CORO1A: variants seen among roughly 807,000 people sequenced by gnomAD.
CORO1A encodes coronin 1A.
CORO1A carries 17 observed loss-of-function variants against 44.1 expected under a neutral mutation model. The observed-to-expected ratio is 0.39, with a 90% CI of 0.26 to 0.58. The LOEUF (loss-of-function observed/expected upper bound fraction) is 0.58. CORO1A is among the 20% of genes least tolerant of loss of function. The pLI is 0.62. For synonymous variants in CORO1A, 271 were observed against 244.2 expected, an observed-to-expected ratio of 1.11 and a Z score of -1.02; for missense variants, 415 against 606.5, an observed-to-expected ratio of 0.68 and a Z score of 3.32.
Position 30,188,096 on chromosome 16 carries a change from C to A in CORO1A, c.1007+9C>A, listed in dbSNP as rs376748014. ...AAGTGTGAGATCGCCAGGTGACTGA[C>A]CCCCGGCCCTGACCGCAGCATGCTC... On this transcript the variant is annotated intron_variant, in intron 8 of 10. Transcript: ENST00000219150. 1.7e-5 allele frequency: 28 copies of A among 1,613,488 alleles called. No homozygotes were observed. Among genetic ancestry groups the A allele is most frequent in the Non-Finnish European group, 2.1e-5 (25 of 1,179,988 alleles).
rs1194635759 is a variant in CORO1A, at chr16:30,186,586, C to T, written c.199-12C>T. 7 of 1,612,186 alleles carry T rather than the reference C, an allele frequency of 4.3e-6. No individual in the cohort carries two copies. Among genetic ancestry groups the T allele is most frequent in the Non-Finnish European group, 5.9e-6 (7 of 1,180,012 alleles). On this transcript the variant is annotated splice_polypyrimidine_tract_variant and intron_variant, in intron 2 of 10. Transcript: ENST00000219150. ...AGGCAAAAGCACCTCCAAGGCCCTG[C>T]TGTGCCTTTAGACTGGACGTGTGGA... is the stretch of plus-strand genomic sequence containing the variant.
intron 2 of CORO1A, 86 bp downstream of exon 2, chr16:30,185,493 C>A: frequency 8.4e-7 from 1 of 1,193,418 alleles, no homozygotes; most frequent in South Asian, 1.3e-5. Flanking sequence ...GGTCACCAGG[C>A]CTTCCAGGGC....
chr16:30,185,509 T>C, intron 2 of CORO1A, 102 bp downstream of exon 2: 3 of 1,044,976 alleles, frequency 2.9e-6, no homozygotes, highest in Non-Finnish European at 4.2e-6. Context: ...AGGGCCTGTG[T>C]TGCCATCTGG....
rs2151061771 is a variant in CORO1A at position 30,185,332 on chromosome 16, T to C, written c.123T>C (p.Ala41=). ...CCACCTGGGACAGTGGCTTCTGTGCTGTCAACCCTAAGTTTGTGGCCCTGA... is the reference window on the plus strand; with the variant it reads ...CCACCTGGGACAGTGGCTTCTGTGCCGTCAACCCTAAGTTTGTGGCCCTGA... ...SQTTWDSGFC[A]VNPKFVALIC... is the part of the protein sequence containing the mutation. Residue 41 remains alanine, a synonymous_variant, in exon 2 of 11, where the codon GCT becomes GCC. Transcript: ENST00000219150. 1.2e-6 allele frequency: 2 copies of C among 1,614,190 alleles called. No homozygotes were observed. Among genetic ancestry groups the C allele is most frequent in the East Asian group, 2.2e-5 (1 of 44,874 alleles).
rs2073339724 is a variant in CORO1A at position 30,186,796 on chromosome 16, C to CA, written c.322-19dup. ...TCTGACATTTGGAGTCCTGAAGACTCACTGGCCCCTCCTCTGCAGGTGTGG... is the reference window on the plus strand; with the variant it reads ...TCTGACATTTGGAGTCCTGAAGACTCAACTGGCCCCTCCTCTGCAGGTGTGG... On this transcript the variant is annotated intron_variant, in intron 3 of 10. Transcript: ENST00000219150. The CA allele has an allele frequency of 6.2e-7, 1 of 1,609,592 alleles. No homozygotes were observed. The highest frequency in any genetic ancestry group is 1.3e-5 in the African/African-American group (1 of 75,032).
At chr16:30,185,643 A>G in intron 2 of CORO1A, 1 of 583,874 alleles carries the variant, frequency 1.7e-6, no homozygotes, top group Non-Finnish European at 3.1e-6. Flanking sequence ...AGGACTACAG[A>G]CAGTCCTGCA....
chr16:30,188,907 G>A lies in CORO1A; in HGVS notation c.1329G>A (p.Thr443=), dbSNP rs1384770766. The part of the protein sequence containing the change: ...LEEEMRKLQA[T]VQELQKRLDR... The stretch of plus-strand genomic sequence containing the variant: ...AGGAGATGCGGAAGCTCCAGGCCAC[G>A]GTGCAGGAGCTCCAGAAGCGCTTGG... Residue 443 remains threonine, a synonymous_variant, in exon 11 of 11, where the codon ACG becomes ACA. Transcript: ENST00000219150. 3.0e-6 allele frequency: 1 copy of A among 328,588 alleles called. No individual in the cohort carries two copies. The highest frequency in any genetic ancestry group is 5.2e-6 in the Non-Finnish European group (1 of 191,738). 20.4% of individuals were successfully genotyped at this position (328,588 alleles called of 1,614,324 possible). A position where few individuals can be genotyped will look rare whatever the true frequency, so the allele number is the denominator to read the frequency against.
At chr16:30,188,138 T>C (rs1380480524) in intron 8 of CORO1A, 51 bp downstream of exon 8, 2 of 1,613,304 alleles carry the variant, frequency 1.2e-6, no homozygotes, top group East Asian at 2.2e-5. Flanking sequence ...CAGTGGGCAG[T>C]CCCAAGCCCA....
rs115153614 is a variant in CORO1A at position 30,186,222 on chromosome 16, C to T, written c.199-376C>T. The T allele has an allele frequency of 5.5e-3, 1,891 of 342,546 alleles. 32 individuals are homozygous for T. Among genetic ancestry groups the T allele is most frequent in the African/African-American group, 0.037 (1,751 of 46,996 alleles). 21.2% of individuals were successfully genotyped at this position (342,546 alleles called of 1,614,324 possible). On this transcript the variant is annotated intron_variant, in intron 2 of 10. Coordinates refer to ENST00000219150, the MANE Select transcript of CORO1A (RefSeq NM_007074.4). ...CACTCGCTCTCTGGGGAGCTGCCTC[C>T]ACCCCCCCAGCCCCCATACACCTGT...
In CORO1A at chr16:30,184,950, T is replaced by C; in HGVS notation, c.-1-259T>C. The C allele has an allele frequency of 3.4e-6, 2 of 581,116 alleles. No individual in the cohort carries two copies. Among genetic ancestry groups the C allele is most frequent in the Non-Finnish European group, 6.2e-6 (2 of 324,808 alleles). The allele number at this position is 581,116 out of a possible 1,614,324, so 36.0% of individuals were successfully genotyped here. ...TGGGGCAACACCACGCCAGGCTCTGTTGCAGAGGCTGAGGGTACAGATTGA... is the reference window on the plus strand; with the variant it reads ...TGGGGCAACACCACGCCAGGCTCTGCTGCAGAGGCTGAGGGTACAGATTGA... On this transcript the variant is annotated intron_variant, in intron 1 of 10. Coordinates refer to ENST00000219150, the MANE Select transcript of CORO1A (RefSeq NM_007074.4). This position sits in a 1 kb window ranked among gnomAD's most constrained non-coding sequence, Gnocchi z 4.3.
chr16:30,186,590 G>A lies in CORO1A; in HGVS notation c.199-8G>A. 1.2e-6 allele frequency: 2 copies of A among 1,612,266 alleles called. No individual in the cohort carries two copies. Among genetic ancestry groups the A allele is most frequent in the Non-Finnish European group, 1.7e-6 (2 of 1,180,014 alleles). The stretch of plus-strand genomic sequence containing the variant: ...AAAAGCACCTCCAAGGCCCTGCTGT[G>A]CCTTTAGACTGGACGTGTGGACAAG... On this transcript the variant is annotated splice_region_variant and splice_polypyrimidine_tract_variant and intron_variant, in intron 2 of 10. Coordinates refer to ENST00000219150, the MANE Select transcript of CORO1A (RefSeq NM_007074.4).
At position 30,185,195 on chromosome 16, in the gene CORO1A, C is replaced by T. The variant is rs1403898402; in HGVS notation, c.-1-14C>T. The T allele has an allele frequency of 1.2e-6, 2 of 1,613,384 alleles. No individual in the cohort carries two copies. The highest frequency in any genetic ancestry group is 1.7e-5 in the Admixed American group (1 of 59,992). On this transcript the variant is annotated splice_polypyrimidine_tract_variant and intron_variant, in intron 1 of 10. Transcript: ENST00000219150. ...ACCTGAAGGGAGAAATGCTCTTATG[C>T]TGTGTGCCCCCAGAATGAGCCGGCA...
intron 1 of CORO1A, 56 bp from the exon 2 acceptor site, chr16:30,185,153 C>T: frequency 6.4e-7 from 1 of 1,573,206 alleles, no homozygotes; most frequent in South Asian, 1.1e-5. Flanking sequence ...GTGGGGACCA[C>T]TGGAAGATCA....
chr16:30,185,535 C>A, intron 2 of CORO1A, 128 bp downstream of exon 2: 1 of 776,006 alleles, frequency 1.3e-6, no homozygotes, highest in Non-Finnish European at 2.1e-6. Context: ...TGAGCTGGGC[C>A]CCATGAGCCT....
In CORO1A at chr16:30,188,258, C is replaced by T. The variant is rs117288362; in HGVS notation, c.1065+9C>T. On this transcript the variant is annotated intron_variant, in intron 9 of 10. Coordinates refer to ENST00000219150, the MANE Select transcript of CORO1A (RefSeq NM_007074.4). ...TGACAGTGCCTCGAAAGGTGATGCT[C>T]CCCCGCCCCACCCTGGGCTCCAGGC... 5,175 of 1,613,566 alleles carry T rather than the reference C, an allele frequency of 3.2e-3. 144 individuals are homozygous for T. The East Asian group carries it at 0.072, about 23-fold the overall frequency.
Position 30,186,881 on chromosome 16 carries a change from C to A in CORO1A, c.387C>A (p.Gly129=). 6.2e-7 allele frequency: 1 copy of A among 1,612,354 alleles called. No individual in the cohort carries two copies. The highest frequency in any genetic ancestry group is 2.2e-5 in the East Asian group (1 of 44,876). The change falls in exon 4 of 11, where the codon GGC becomes GGA. Residue 129 remains glycine, a synonymous_variant. Transcript: ENST00000219150. ...PLREPVVTLE[G]HTKRVGIVAW... ...GGGAGCCCGTCGTCACCCTGGAGGG[C>A]CACACCAAGCGTGTGGGCATTGTGG...
intron 2 of CORO1A, 108 bp from the exon 3 acceptor site, chr16:30,186,490 C>A: frequency 7.3e-7 from 1 of 1,364,876 alleles, no homozygotes; most frequent in Non-Finnish European, 1.0e-6. Context: ...TGGTCCAGCT[C>A]CCAGGGACAC....
At position 30,188,547 on chromosome 16, in the gene CORO1A, G is replaced by A. The variant is rs757620393; in HGVS notation, c.1252G>A (p.Ala418Thr). Residue 418 changes from alanine to threonine, a missense_variant, in exon 10 of 11, where the codon GCA becomes ACA. Coordinates refer to ENST00000219150, the MANE Select transcript of CORO1A (RefSeq NM_007074.4). ...CCTGGACACCGGGCGCAGGAGGGCA[G>A]CACCAGAGGCCAGTGGCACTCCCAG... ...RGLDTGRRRA[A>T]PEASGTPSSD... 1.3e-4 allele frequency: 186 copies of A among 1,406,540 alleles called. No individual in the cohort carries two copies. Among genetic ancestry groups the A allele is most frequent in the Non-Finnish European group, 1.7e-4 (180 of 1,051,254 alleles). The allele number at this position is 1,406,540 out of a possible 1,614,324, so 87.1% of individuals were successfully genotyped here. A position where few individuals can be genotyped will look rare whatever the true frequency, so the allele number is the denominator to read the frequency against.
At chr16:30,186,151 G>C in intron 2 of CORO1A, 1 of 269,758 alleles carries the variant, frequency 3.7e-6, no homozygotes, top group Non-Finnish European at 7.3e-6. Flanking sequence ...AGGCTCCCTG[G>C]CCCCTCTCCT....
Sources: gnomAD v4.1 joint callset for allele counts on GRCh38, gnomAD v4.1.1 for gene constraint, Gnocchi (gnomAD v3.1) non-coding constraint, MANE v1.5 for transcripts, NCBI Gene and HGNC (gene_info 2026-07-23, HGNC 2026-07-21) for gene names.